Variants in ZNF578 observed in about 807,000 individuals in gnomAD.
The protein encoded by ZNF578 is zinc finger protein 578.
A neutral mutation model predicts 8.3 loss-of-function variants in ZNF578; 8 were observed. The observed-to-expected ratio is 0.96, with a 90% CI of 0.56 to 1.74. ZNF578 has a LOEUF of 1.74. Ranked by LOEUF, ZNF578 falls within the 40% of genes most tolerant of loss-of-function variation. The pLI is 0.00. For synonymous variants in ZNF578, 206 were observed against 232.2 expected, an observed-to-expected ratio of 0.89 and a Z score of 1.03; for missense variants, 726 against 707.5, an observed-to-expected ratio of 1.03 and a Z score of -0.30.
chr19:52,499,798 G>C (rs1210972748), intron 3 of ZNF578, among the ~76,000 whole-genome samples: 1 of 150,950 alleles, frequency 6.6e-6, no homozygotes, highest in African/African-American at 2.4e-5. Context: ...GGATTCTCCT[G>C]CCTCAGACTC....
rs1201121859 is a variant in ZNF578 at position 52,456,970 on chromosome 19, T to C, written c.-122+12T>C. ...GGAATGCCTCTTAGGTACAGTGATA[T>C]TCTCAGTGGACTGTTGTGTGTCTCC... On this transcript the variant is annotated intron_variant, in intron 2 of 5. Transcript: ENST00000421239. 1.3e-5 allele frequency: 2 copies of C among 153,318 alleles called. No homozygotes were observed. Among genetic ancestry groups the C allele is most frequent in the African/African-American group, 4.8e-5 (2 of 41,440 alleles). The allele number at this position is 153,318 out of a possible 1,614,324, so 9.5% of individuals were successfully genotyped here. A position where few individuals can be genotyped will look rare whatever the true frequency, so the allele number is the denominator to read the frequency against.
intron 2 of ZNF578, among the ~76,000 whole-genome samples, chr19:52,465,629 C>T (rs2059272577): frequency 6.6e-6 from 1 of 152,136 alleles, no homozygotes; most frequent in African/African-American, 2.4e-5. Context: ...CCAAAGTTCC[C>T]TCTTTAGGCA....
intron 2 of ZNF578, among the ~76,000 whole-genome samples, chr19:52,461,240 A>G (rs324111): frequency 0.04 from 6,149 of 152,268 alleles, 441 homozygotes; most frequent in African/African-American, 0.14. Flanking sequence ...CAGTAGCATT[A>G]TGTGAATGGG....
At chr19:52,454,979 C>T (rs1038628528) in intron 1 of ZNF578, 2 of 152,152 alleles carry the variant, frequency 1.3e-5, no homozygotes, top group Admixed American at 1.3e-4. Context: ...GTAACAGGCT[C>T]ACTTACCTGT....
At chr19:52,484,669 TC>T (rs1201485832) in intron 2 of ZNF578, among the ~76,000 whole-genome samples, 6 of 151,926 alleles carry the variant, frequency 3.9e-5, no homozygotes, top group African/African-American at 1.2e-4. Flanking sequence ...AATGGCCTGT[TC>T]CTGCCTTAAC....
At chr19:52,480,150 C>T (rs552545118) in intron 2 of ZNF578, among the ~76,000 whole-genome samples, 9 of 152,300 alleles carry the variant, frequency 5.9e-5, no homozygotes, top group African/African-American at 2.2e-4. Flanking sequence ...TCGTGATCCA[C>T]CTGCTTCGGC....
chr19:52,454,251 C>G (rs1252782187), intron 1 of ZNF578: 1 of 152,230 alleles, frequency 6.6e-6, no homozygotes, highest in Non-Finnish European at 1.5e-5. Flanking sequence ...GTAGTAAACA[C>G]TGAACCCAGA....
chr19:52,503,561 G>C (rs2059414890), intron 4 of ZNF578, among the ~76,000 whole-genome samples: 1 of 152,094 alleles, frequency 6.6e-6, no homozygotes, highest in Admixed American at 6.6e-5. Context: ...TCCCAGGCTG[G>C]TCTTGAATTC....
rs1321837165 is a variant in ZNF578, at chr19:52,456,932, A to G, written c.-148A>G. 6.5e-6 allele frequency: 1 copy of G among 153,444 alleles called. No individual in the cohort carries two copies. The highest frequency in any genetic ancestry group is 2.4e-5 in the African/African-American group (1 of 41,446). 9.5% of individuals were successfully genotyped at this position (153,444 alleles called of 1,614,324 possible). On this transcript the variant is annotated 5_prime_UTR_variant, in exon 2 of 6. Transcript: ENST00000421239. ...AAGCCTAGAAGAGGAGGAAGAGGAAAGAAAAGGAGTCAGGAATGCCTCTTA... is the reference window on the plus strand; with the variant it reads ...AAGCCTAGAAGAGGAGGAAGAGGAAGGAAAAGGAGTCAGGAATGCCTCTTA...
chr19:52,457,286 G>A (rs1171413306), intron 2 of ZNF578: 2 of 152,214 alleles, frequency 1.3e-5, no homozygotes, highest in Admixed American at 6.5e-5. Flanking sequence ...GGCAAAGTTC[G>A]ATGAGCTTCT....
At chr19:52,490,961 T>A (rs1456343705) in intron 2 of ZNF578, among the ~76,000 whole-genome samples, 6 of 152,244 alleles carry the variant, frequency 3.9e-5, no homozygotes, top group Non-Finnish European at 8.8e-5. Flanking sequence ...CAGTAGATAT[T>A]CTGTAACTAT....
intron 2 of ZNF578, among the ~76,000 whole-genome samples, chr19:52,479,907 C>CTTTATTTATTTA (rs148549832): frequency 1.3e-5 from 2 of 152,008 alleles, no homozygotes; most frequent in African/African-American, 4.8e-5. Context: ...ATTTTTTTAT[C>CTTTATTTATTTA]TGTATTCATT....
Position 52,484,441 on chromosome 19 carries a change from C to G in ZNF578, c.-121-6883C>G, listed in dbSNP as rs575100355. ...GGATGGTCAGGTCTTTCCCTTCCCA[C>G]GAGGCCATATTTCAGAATATCACAT... On this transcript the variant is annotated intron_variant, in intron 2 of 5. Coordinates refer to ENST00000421239, the MANE Select transcript of ZNF578 (RefSeq NM_001099694.2). Among the ~76,000 whole-genome samples the G allele has an allele frequency of 2.6e-5, 4 of 152,292 alleles. No homozygotes were observed. The East Asian group carries it at 5.8e-4, about 22-fold the overall frequency.
intron 5 of ZNF578, among the ~76,000 whole-genome samples, chr19:52,507,146 G>A (rs899226322): frequency 6.6e-6 from 1 of 152,130 alleles, no homozygotes; most frequent in African/African-American, 2.4e-5. Context: ...CCAATATTTT[G>A]GGAGGCCGAG....
intron 3 of ZNF578, among the ~76,000 whole-genome samples, chr19:52,501,468 G>C (rs893250733): frequency 3.3e-5 from 5 of 152,184 alleles, no homozygotes; most frequent in Non-Finnish European, 7.3e-5. Context: ...TCTGAGTCCT[G>C]CATTTCTGAG....
At chr19:52,491,639 C>T (rs2059365219) in intron 3 of ZNF578, among the ~76,000 whole-genome samples, 1 of 151,238 alleles carries the variant, frequency 6.6e-6, no homozygotes, top group South Asian at 2.1e-4. Context: ...AGCTTCCACC[C>T]AGTAGGCAGA....
intron 2 of ZNF578, among the ~76,000 whole-genome samples, chr19:52,484,298 C>G (rs530668285): frequency 2.2e-4 from 34 of 152,338 alleles, no homozygotes; most frequent in African/African-American, 7.9e-4. Context: ...CCCAGACATT[C>G]CTTTGCCAGG....
chr19:52,463,022 G>T (rs2059263597), intron 2 of ZNF578, among the ~76,000 whole-genome samples: 1 of 152,058 alleles, frequency 6.6e-6, no homozygotes, highest in Non-Finnish European at 1.5e-5. Flanking sequence ...AAAATTTAAG[G>T]TAACAAGAGC....
At chr19:52,459,751 G>A (rs8106263) in intron 2 of ZNF578, among the ~76,000 whole-genome samples, 167 of 4,758 alleles carry the variant, frequency 0.035, 7 homozygotes, top group Non-Finnish European at 0.1. Context: ...GTGTGTGTGT[G>A]TATATATATA....
Sources: gnomAD v4.1 joint callset for allele counts (sites outside exome capture counted in the v4.1 genomes callset) on GRCh38, gnomAD v4.1.1 for gene constraint, MANE v1.5 for transcripts, NCBI Gene and HGNC (gene_info 2026-07-23, HGNC 2026-07-21) for gene names.